Variants in PITPNM3 observed in about 807,000 individuals in gnomAD.
PITPNM3 encodes PITPNM family member 3, also known as membrane-associated phosphatidylinositol transfer protein 3.
PITPNM3 carries 26 observed loss-of-function variants against 102.0 expected under a neutral mutation model. The observed-to-expected ratio is 0.25, with a 90% confidence interval of 0.19 to 0.35. PITPNM3 has a LOEUF of 0.35. Ranked by LOEUF, PITPNM3 falls within the 10% of genes least tolerant of loss-of-function variation. The pLI, the probability that PITPNM3 is intolerant of heterozygous loss-of-function variation, is 1.00. For missense variants in PITPNM3, 1,083 were observed against 1,346.1 expected (o/e 0.80, Z 3.06); for synonymous variants, 578 against 558.6 (o/e 1.03, Z -0.49).
chr17:6,542,404 T>G lies in PITPNM3; in HGVS notation c.23-4322A>C, dbSNP rs77478435. Among the ~76,000 whole-genome samples the G allele has an allele frequency of 8.9e-3, 1,351 of 152,280 alleles. 17 individuals carry two copies. Among genetic ancestry groups the G allele is most frequent in the African/African-American group, 0.03 (1,261 of 41,540 alleles). On this transcript the variant is annotated intron_variant, in intron 1 of 19. Transcript: ENST00000262483. ...CACTTGCCAGCCCCCTTCCTAATAT[T>G]GTTCCTAAGAATCATGCATGCATGC...
At position 6,468,132 on chromosome 17, in the gene PITPNM3, G is replaced by T; in HGVS notation, c.1890+93C>A. 8.2e-7 allele frequency: 1 copy of T among 1,220,908 alleles called. No homozygotes were observed. 75.6% of individuals were successfully genotyped at this position (1,220,908 alleles called of 1,614,324 possible). ...CTGAGCTCTGAGGACAAATTGAAGC[G>T]CTTACCTCCCATGTGGATGCCCCAG... On this transcript the variant is annotated intron_variant, in intron 14 of 19. Coordinates refer to ENST00000262483, the MANE Select transcript of PITPNM3 (RefSeq NM_031220.4). The surrounding 1 kb of genome is among the most constrained non-coding windows in gnomAD (Gnocchi z 5.2).
intron 4 of PITPNM3, among the ~76,000 whole-genome samples, chr17:6,491,848 A>G (rs1906512134): frequency 7.5e-6 from 1 of 134,144 alleles, no homozygotes; most frequent in African/African-American, 2.9e-5. Flanking sequence ...ATAAAGAATT[A>G]ATTAAGAATT....
chr17:6,485,488 T>C (rs376316897), intron 4 of PITPNM3, among the ~76,000 whole-genome samples: 1 of 152,212 alleles, frequency 6.6e-6, no homozygotes, highest in East Asian at 1.9e-4. Context: ...TCTGTGTATA[T>C]ATCCTTTCGG....
At chr17:6,505,771 T>C (rs749306276) in intron 3 of PITPNM3, among the ~76,000 whole-genome samples, 5 of 152,194 alleles carry the variant, frequency 3.3e-5, no homozygotes, top group Non-Finnish European at 5.9e-5. Context: ...CTAGGGGCCA[T>C]GGAGGATACA....
chr17:6,504,402 G>A (rs185851024), intron 3 of PITPNM3, among the ~76,000 whole-genome samples: 254 of 152,208 alleles, frequency 1.7e-3, no homozygotes, highest in Non-Finnish European at 2.3e-3. Flanking sequence ...ACTTCTCCAG[G>A]TGTTCTCCAG....
intron 14 of PITPNM3, among the ~76,000 whole-genome samples, chr17:6,466,385 G>A (rs567508852): frequency 7.9e-5 from 12 of 152,274 alleles, no homozygotes; most frequent in African/African-American, 1.2e-4. Context: ...TAAACTAGTC[G>A]TGGGCCCTGC....
Position 6,455,231 on chromosome 17 carries a change from G to T in PITPNM3, c.*107C>A. 1 of 1,364,374 alleles carries T rather than the reference G, an allele frequency of 7.3e-7. No homozygotes were observed. The highest frequency in any genetic ancestry group is 9.8e-7 in the Non-Finnish European group (1 of 1,022,484). 84.5% of individuals were successfully genotyped at this position (1,364,374 alleles called of 1,614,324 possible). ...CGGACACTGCTGGACAGACACGGGA[G>T]GGAAAAAGCAGGAAAACGCCTGTGT... On this transcript the variant is annotated 3_prime_UTR_variant, in exon 20 of 20. Transcript: ENST00000262483.
intron 17 of PITPNM3, among the ~76,000 whole-genome samples, chr17:6,462,013 C>T (rs372169384): frequency 1.1e-4 from 17 of 152,228 alleles, no homozygotes; most frequent in African/African-American, 3.9e-4. Flanking sequence ...CCTGGGCGGC[C>T]TCTTTCCCTC....
intron 3 of PITPNM3, among the ~76,000 whole-genome samples, chr17:6,520,426 A>G (rs1362361618): frequency 6.6e-6 from 1 of 152,236 alleles, no homozygotes; most frequent in Non-Finnish European, 1.5e-5. Context: ...AGTAGAGAAT[A>G]TTATAGTACA....
intron 18 of PITPNM3, among the ~76,000 whole-genome samples, chr17:6,460,076 C>T (rs1904370679): frequency 6.6e-6 from 1 of 152,148 alleles, no homozygotes; most frequent in Admixed American, 6.5e-5. Context: ...CCCCGTGACC[C>T]TCAGCAGAGA....
rs1257559556 is a variant in PITPNM3 at position 6,464,272 on chromosome 17, T to C, written c.2054A>G (p.His685Arg). 6.2e-7 allele frequency: 1 copy of C among 1,614,112 alleles called. No individual in the cohort carries two copies. The highest frequency in any genetic ancestry group is 8.5e-7 in the Non-Finnish European group (1 of 1,180,008). ...MAEPSSGRWV[H>R]LDTEITNSSG... ...GCTGTTGGTGATCTCTGTGTCCAGG[T>C]GTACCCAGCGGCCTGAGGATGGCTC... Residue 685 changes from histidine to arginine, a missense_variant, in exon 16 of 20, where the codon CAC (histidine) becomes CGC (arginine). His to Arg is a conservative substitution (Grantham distance 29). Around this residue, in one of 5 missense-constraint regions of PITPNM3, gnomAD observed 410 missense variants for 638.4 expected, o/e 0.64. Transcript: ENST00000262483.
At chr17:6,503,100 A>T (rs748848969) in intron 4 of PITPNM3, among the ~76,000 whole-genome samples, 8 of 152,156 alleles carry the variant, frequency 5.3e-5, no homozygotes, top group Non-Finnish European at 1.2e-4. Flanking sequence ...TCACCATGGC[A>T]CCGTCAGTGG....
chr17:6,461,580 T>A (rs767414016), intron 17 of PITPNM3, 24 bp from the exon 18 acceptor site: 1 of 1,612,808 alleles, frequency 6.2e-7, no homozygotes, highest in South Asian at 1.1e-5. Context: ...ATTAGAAGGG[T>A]CCAGCCCTGC....
intron 5 of PITPNM3, 27 bp from the exon 6 acceptor site, chr17:6,483,779 G>A (rs1488909660): frequency 6.2e-7 from 1 of 1,600,224 alleles, no homozygotes; most frequent in African/African-American, 1.3e-5. Context: ...TTGGAATACA[G>A]AGAGAGAGGC....
At chr17:6,489,648 A>G (rs1425918836) in intron 4 of PITPNM3, among the ~76,000 whole-genome samples, 1 of 152,098 alleles carries the variant, frequency 6.6e-6, no homozygotes, top group Non-Finnish European at 1.5e-5. Flanking sequence ...AGGAGAGGCT[A>G]CTATGAGGAG....
chr17:6,482,664 C>T (rs972278465), intron 6 of PITPNM3, among the ~76,000 whole-genome samples: 1 of 152,180 alleles, frequency 6.6e-6, no homozygotes, highest in East Asian at 1.9e-4. Context: ...GCTCTCACCC[C>T]GTGGGATCTG....
At chr17:6,481,960 G>A (rs956382375) in intron 6 of PITPNM3, 9 of 117,216 alleles carry the variant, frequency 7.7e-5, no homozygotes, top group African/African-American at 3.0e-4. Flanking sequence ...ATAATGTTGG[G>A]GCACTTAGCC....
rs1335515715 is a variant in PITPNM3 at position 6,485,161 on chromosome 17, CT to C, written c.275-870del. ...ATAAGTCTCTTTTTAATTTTCTTTT[CT>C]TTTTTTTTTTTTTTTGATGGAGTTT... On this transcript the variant is annotated intron_variant, in intron 4 of 19. Transcript: ENST00000262483. Among the ~76,000 whole-genome samples, 759 of 139,444 alleles carry C rather than the reference CT, an allele frequency of 5.4e-3. 2 individuals carry two copies. The highest frequency in any genetic ancestry group is 6.1e-3 in the South Asian group (26 of 4,294). 91.5% of individuals were successfully genotyped at this position (139,444 alleles called of 152,430 possible).
chr17:6,531,621 G>T (rs1056412721), intron 2 of PITPNM3, among the ~76,000 whole-genome samples: 1 of 152,230 alleles, frequency 6.6e-6, no homozygotes, highest in Non-Finnish European at 1.5e-5. Context: ...CTGGGACAGG[G>T]ACGGGGTACC....
Sources: allele counts gnomAD v4.1 joint callset (sites outside exome capture counted in the v4.1 genomes callset), GRCh38; gene constraint gnomAD v4.1.1; regional missense constraint gnomAD v4.1.1; non-coding constraint Gnocchi (gnomAD v3.1); transcripts MANE v1.5; gene names NCBI Gene and HGNC (gene_info 2026-07-23, HGNC 2026-07-21).